The following EGFR variants were observed in gnomAD, a reference collection of about 807,000 sequenced individuals.
The protein encoded by EGFR is epidermal growth factor receptor.
Under a neutral mutation model 143.0 loss-of-function variants are expected in EGFR, and 58 were observed. That is an observed-to-expected ratio of 0.41 (90% CI 0.33 to 0.50). The LOEUF is 0.50. Among genes scored for constraint, EGFR ranks in the 20% least tolerant of loss-of-function variants. EGFR has a pLI of 0.39. For synonymous variants in EGFR, 613 were observed against 594.4 expected (o/e 1.03, Z -0.45); for missense variants, 1,307 against 1,579.0 (o/e 0.83, Z 2.92).
rs17289963 is a variant in EGFR, at chr7:55,159,242, G to A, written c.1299-897G>A. 5.4e-3 allele frequency among the ~76,000 whole-genome samples: 820 copies of A among 151,968 alleles called. 9 individuals are homozygous for A. The highest frequency in any genetic ancestry group is 0.019 in the African/African-American group (787 of 41,436). On this transcript the variant is annotated intron_variant, in intron 11 of 27. Coordinates refer to ENST00000275493, the MANE Select transcript of EGFR (RefSeq NM_005228.5). Reference sequence around the variant, plus strand: ...GTGGTTCTCACACCCATCGTGGTCCGGCAGGGGCTTAGTGGTTCTTATACC... The same window carrying A: ...GTGGTTCTCACACCCATCGTGGTCCAGCAGGGGCTTAGTGGTTCTTATACC...
intron 1 of EGFR, among the ~76,000 whole-genome samples, chr7:55,136,881 G>A (rs1794175053): frequency 6.6e-6 from 1 of 152,150 alleles, no homozygotes; most frequent in South Asian, 2.1e-4. Flanking sequence ...ATCCTATCAT[G>A]TCTACAAAAT....
At chr7:55,041,508 C>T (rs2128869525) in intron 1 of EGFR, among the ~76,000 whole-genome samples, 1 of 152,286 alleles carries the variant, frequency 6.6e-6, no homozygotes, top group South Asian at 2.1e-4. Flanking sequence ...ACAGAGTGGA[C>T]ACCAGATAAA....
intron 1 of EGFR, among the ~76,000 whole-genome samples, chr7:55,089,081 G>T (rs1028468567): frequency 6.7e-6 from 1 of 149,716 alleles, no homozygotes; most frequent in East Asian, 2.2e-4. Context: ...AATAAAGGTC[G>T]ATCATTTAGG....
chr7:55,109,597 C>T (rs1489169661), intron 1 of EGFR: 2 of 338,484 alleles, frequency 5.9e-6, no homozygotes, highest in Admixed American at 6.4e-5. Flanking sequence ...GCCTTCCTCG[C>T]TTTCCCATGT....
At chr7:55,062,060 A>G (rs1470540579) in intron 1 of EGFR, among the ~76,000 whole-genome samples, 5 of 152,210 alleles carry the variant, frequency 3.3e-5, no homozygotes, top group African/African-American at 1.2e-4. Flanking sequence ...CAAAACTCCA[A>G]TTAACCAGGA....
intron 1 of EGFR, among the ~76,000 whole-genome samples, chr7:55,131,902 G>A (rs1793860514): frequency 6.6e-6 from 1 of 150,484 alleles, no homozygotes; most frequent in Admixed American, 6.6e-5. Flanking sequence ...TGCTGCAGAG[G>A]TCAAAGGGAC....
chr7:55,063,443 G>C (rs918629044), intron 1 of EGFR, among the ~76,000 whole-genome samples: 4 of 152,198 alleles, frequency 2.6e-5, no homozygotes, highest in Admixed American at 2.0e-4. Flanking sequence ...GGGTTAGTGT[G>C]TGTGTTTAAG....
At chr7:55,019,967 C>T (rs1786439957) in intron 1 of EGFR, among the ~76,000 whole-genome samples, 1 of 152,352 alleles carries the variant, frequency 6.6e-6, no homozygotes, top group Non-Finnish European at 1.5e-5. Context: ...CGGCGCCCGC[C>T]AGCCTGGCCC....
intron 1 of EGFR, among the ~76,000 whole-genome samples, chr7:55,134,678 C>T (rs973487686): frequency 8.5e-5 from 13 of 152,180 alleles, no homozygotes; most frequent in Admixed American, 7.9e-4. Context: ...ATTTACTAGC[C>T]ATTCAGTTGC....
intron 17 of EGFR, among the ~76,000 whole-genome samples, chr7:55,173,631 GT>G: frequency 6.6e-6 from 1 of 152,368 alleles, no homozygotes; most frequent in East Asian, 1.9e-4. Flanking sequence ...CCCTACCGGA[GT>G]TTTCAATCCA....
At chr7:55,098,685 C>G (rs188713233) in intron 1 of EGFR, among the ~76,000 whole-genome samples, 1 of 152,042 alleles carries the variant, frequency 6.6e-6, no homozygotes, top group Non-Finnish European at 1.5e-5. Flanking sequence ...CAAGTTACTC[C>G]GGCAATATAA....
chr7:55,131,581 G>A (rs1402080714), intron 1 of EGFR, among the ~76,000 whole-genome samples: 1 of 152,190 alleles, frequency 6.6e-6, no homozygotes, highest in African/African-American at 2.4e-5. Context: ...ACCACAGGCG[G>A]GGCGGCTTGG....
intron 1 of EGFR, among the ~76,000 whole-genome samples, chr7:55,050,827 CA>C (rs1194542858): frequency 6.6e-6 from 1 of 152,154 alleles, no homozygotes; most frequent in Non-Finnish European, 1.5e-5. Flanking sequence ...ATAAAAAACC[CA>C]AAAAACCCAG....
chr7:55,022,703 C>T (rs138079670), intron 1 of EGFR, among the ~76,000 whole-genome samples: 2 of 152,208 alleles, frequency 1.3e-5, no homozygotes, highest in Admixed American at 6.5e-5. Context: ...CCCACACTGC[C>T]GTAGCACAGA....
chr7:55,191,937 A>C (rs1220999962), intron 21 of EGFR, 63 bp downstream of exon 21: 1 of 1,604,782 alleles, frequency 6.2e-7, no homozygotes, highest in Non-Finnish European at 8.5e-7. Flanking sequence ...CTGCCTTCCC[A>C]CTAGCTGTAT....
chr7:55,108,004 A>C (rs1024317842), intron 1 of EGFR, among the ~76,000 whole-genome samples: 2 of 152,238 alleles, frequency 1.3e-5, no homozygotes, highest in African/African-American at 4.8e-5. Flanking sequence ...TGGATGCCTT[A>C]GAAAAATCTG....
intron 1 of EGFR, among the ~76,000 whole-genome samples, chr7:55,054,654 G>C (rs1406661063): frequency 1.3e-5 from 2 of 152,202 alleles, no homozygotes; most frequent in East Asian, 3.8e-4. Context: ...CACTCTCTCT[G>C]AACCATGGCC....
chr7:55,206,435 A>T lies in EGFR; in HGVS notation c.*818A>T. On this transcript the variant is annotated 3_prime_UTR_variant, in exon 28 of 28. Coordinates refer to ENST00000275493, the MANE Select transcript of EGFR (RefSeq NM_005228.5). The stretch of plus-strand genomic sequence containing the variant: ...TGAAATCAGCAAGAGAGGATGACAC[A>T]TCAAATAATAACTCGGATTCCAGCC... 1 of 233,350 alleles carries T rather than the reference A, an allele frequency of 4.3e-6. No individual in the cohort carries two copies. Among genetic ancestry groups the T allele is most frequent in the Non-Finnish European group, 8.5e-6 (1 of 118,076 alleles). The allele number at this position is 233,350 out of a possible 1,614,324, so 14.5% of individuals were successfully genotyped here.
chr7:55,094,479 T>A (rs552208887), intron 1 of EGFR, among the ~76,000 whole-genome samples: 8 of 152,346 alleles, frequency 5.3e-5, no homozygotes, highest in African/African-American at 1.9e-4. Flanking sequence ...ATGTAGGCAG[T>A]TGATCCACAG....
Sources: allele counts gnomAD v4.1 joint callset (sites outside exome capture counted in the v4.1 genomes callset), GRCh38; gene constraint gnomAD v4.1.1; transcripts MANE v1.5; gene names NCBI Gene and HGNC (gene_info 2026-07-23, HGNC 2026-07-21).